The following KIAA2012 variants were observed in gnomAD, a reference collection of about 807,000 sequenced individuals.
KIAA2012 encodes uncharacterized protein KIAA2012.
Under a neutral mutation model 150.6 loss-of-function variants are expected in KIAA2012, and 125 were observed. That is an observed-to-expected ratio of 0.83 (90% CI 0.72 to 0.96). The LOEUF (loss-of-function observed/expected upper bound fraction) is 0.96. KIAA2012 is among the 40% of genes least tolerant of loss of function. KIAA2012 has a pLI of 0.00. For synonymous variants in KIAA2012, 462 were observed against 504.7 expected (o/e 0.92, Z 1.13); for missense variants, 1,219 against 1,354.9 (o/e 0.90, Z 1.57).
chr2:202,176,300 G>A lies in KIAA2012; in HGVS notation c.2120-8453G>A, dbSNP rs542301162. Among the ~76,000 whole-genome samples, 6 of 151,966 alleles carry A rather than the reference G, an allele frequency of 3.9e-5. No homozygotes were observed. In the South Asian group the frequency reaches 8.3e-4, roughly 21 times the overall value. ...CAACCTCTGTCCCCTGGGTTCAAGC[G>A]ATTCTGCTGCCTCAGCCTTCCAAGT... is the stretch of plus-strand genomic sequence containing the variant. On this transcript the variant is annotated intron_variant, in intron 15 of 23. Transcript: ENST00000498697.
In KIAA2012 at chr2:202,189,295, CT is replaced by C. The variant is rs767226517; in HGVS notation, c.2492-865del. Among the ~76,000 whole-genome samples the C allele has an allele frequency of 4.1e-3, 585 of 143,122 alleles. 1 individual carries two copies. The highest frequency in any genetic ancestry group is 5.5e-3 in the Non-Finnish European group (355 of 64,834). 93.9% of individuals were successfully genotyped at this position (143,122 alleles called of 152,430 possible). On this transcript the variant is annotated intron_variant, in intron 18 of 23. Coordinates refer to ENST00000498697, the MANE Select transcript of KIAA2012 (RefSeq NM_001277372.4). Reference sequence around the variant, plus strand: ...ACCATAAGTCAGAGTGAAATAGAACCTTTTTTTTTTTTTTGAGATGGAGTCT... The same window carrying C: ...ACCATAAGTCAGAGTGAAATAGAACCTTTTTTTTTTTTTGAGATGGAGTCT...
intron 15 of KIAA2012, among the ~76,000 whole-genome samples, chr2:202,167,381 G>C (rs1438742228): frequency 6.6e-6 from 1 of 152,206 alleles, no homozygotes; most frequent in Non-Finnish European, 1.5e-5. Context: ...CTGGGCTGAG[G>C]CCTGACGATT....
intron 5 of KIAA2012, among the ~76,000 whole-genome samples, 168 bp from the exon 6 acceptor site, chr2:202,099,445 A>G (rs1316839065): frequency 5.9e-5 from 9 of 152,204 alleles, no homozygotes; most frequent in African/African-American, 1.2e-4. Flanking sequence ...GTTTTATTGT[A>G]ATAAACAGCA....
At chr2:202,137,265 T>C (rs1691084290) in intron 12 of KIAA2012, 1 of 152,278 alleles carries the variant, frequency 6.6e-6, no homozygotes, top group African/African-American at 2.4e-5. Context: ...AGCCATGTGC[T>C]TAGCTAAATC....
chr2:202,168,216 C>A (rs761564445), intron 15 of KIAA2012, among the ~76,000 whole-genome samples: 37 of 151,954 alleles, frequency 2.4e-4, no homozygotes, highest in Non-Finnish European at 1.0e-4. Flanking sequence ...GTCAAGAGAT[C>A]GAGACCGTCC....
intron 18 of KIAA2012, among the ~76,000 whole-genome samples, chr2:202,189,189 A>G (rs1038611847): frequency 2.0e-5 from 3 of 152,120 alleles, no homozygotes; most frequent in African/African-American, 7.2e-5. Flanking sequence ...CAGGTTACAA[A>G]GCTGCAACCT....
chr2:202,200,641 T>C (rs570869283), intron 22 of KIAA2012, among the ~76,000 whole-genome samples: 2 of 151,508 alleles, frequency 1.3e-5, no homozygotes, highest in African/African-American at 4.8e-5. Flanking sequence ...ATGCGTTCCA[T>C]TTATAACAAG....
At chr2:202,193,607 C>T in intron 20 of KIAA2012, 104 bp downstream of exon 20, 1 of 1,165,744 alleles carries the variant, frequency 8.6e-7, no homozygotes, top group South Asian at 1.5e-5. Flanking sequence ...AGGCTCATGC[C>T]CTGAAGTTAA....
intron 12 of KIAA2012, among the ~76,000 whole-genome samples, chr2:202,125,626 C>A (rs576491013): frequency 6.6e-6 from 1 of 152,090 alleles, no homozygotes; most frequent in Admixed American, 6.5e-5. Flanking sequence ...TAGACATTGT[C>A]CCCTGGAGTC....
intron 7 of KIAA2012, among the ~76,000 whole-genome samples, chr2:202,101,156 T>C (rs1182574625): frequency 6.6e-6 from 1 of 152,186 alleles, no homozygotes; most frequent in Admixed American, 6.5e-5. Context: ...GTAGAAGAGA[T>C]GAAGCACTTT....
intron 11 of KIAA2012, among the ~76,000 whole-genome samples, chr2:202,123,108 A>C (rs563842141): frequency 6.6e-6 from 1 of 152,332 alleles, no homozygotes; most frequent in South Asian, 2.1e-4. Flanking sequence ...CCTAGCAGGC[A>C]GCTGTGGTAA....
chr2:202,125,997 C>G (rs1690776300), intron 12 of KIAA2012: 1 of 320,216 alleles, frequency 3.1e-6, no homozygotes, highest in Non-Finnish European at 5.5e-6. Flanking sequence ...TCTTGTCGCC[C>G]AGGCTGGAGT....
At chr2:202,171,036 CA>C (rs1316863694) in intron 15 of KIAA2012, among the ~76,000 whole-genome samples, 1 of 151,980 alleles carries the variant, frequency 6.6e-6, no homozygotes, top group Admixed American at 6.6e-5. Context: ...TGGATGTTAA[CA>C]GCTATCAAAA....
intron 17 of KIAA2012, 113 bp downstream of exon 17, chr2:202,187,211 T>C: frequency 1.7e-6 from 2 of 1,199,950 alleles, no homozygotes; most frequent in Non-Finnish European, 2.3e-6. Flanking sequence ...ATAAAGGGGA[T>C]GAGGGGGGCA....
chr2:202,147,367 G>A (rs761841648), intron 13 of KIAA2012, among the ~76,000 whole-genome samples: 7 of 152,196 alleles, frequency 4.6e-5, no homozygotes, highest in Non-Finnish European at 1.0e-4. Context: ...AGGGGCAGAG[G>A]GGAGGCAGGG....
chr2:202,097,329 T>C, intron 4 of KIAA2012, 106 bp from the exon 5 acceptor site: 2 of 1,493,048 alleles, frequency 1.3e-6, no homozygotes, highest in Non-Finnish European at 9.0e-7. Context: ...AGGGAGGGCC[T>C]TGAGCACTTT....
At chr2:202,184,263 A>G (rs1692180543) in intron 15 of KIAA2012, among the ~76,000 whole-genome samples, 2 of 151,970 alleles carry the variant, frequency 1.3e-5, no homozygotes, top group Admixed American at 6.6e-5. Context: ...ACACACCTGC[A>G]GTTCCAGCTA....
intron 14 of KIAA2012, among the ~76,000 whole-genome samples, chr2:202,163,067 G>C (rs1691690473): frequency 6.7e-6 from 1 of 150,268 alleles, no homozygotes; most frequent in African/African-American, 2.4e-5. Flanking sequence ...TGCAGTGAAT[G>C]AATGACTTTA....
At position 202,154,681 on chromosome 2, in the gene KIAA2012, G is replaced by A; in HGVS notation, c.1917G>A (p.Gln639=). The A allele has an allele frequency of 6.5e-7, 1 of 1,544,702 alleles. No homozygotes were observed. The highest frequency in any genetic ancestry group is 8.7e-7 in the Non-Finnish European group (1 of 1,145,556). ...TCTGCTTCTCTTCACAGGGAGCCCA[G>A]CAGTCCTTGGAGGCAGCAGCTCAGA... is the stretch of plus-strand genomic sequence containing the variant. ...LTQTTEKQGA[Q]QSLEAAAQKT... The change falls in exon 14 of 24, where the codon CAG becomes CAA. Residue 639 remains glutamine, a synonymous_variant. Transcript: ENST00000498697.
Sources: allele counts gnomAD v4.1 joint callset (sites outside exome capture counted in the v4.1 genomes callset), GRCh38; gene constraint gnomAD v4.1.1; transcripts MANE v1.5; gene names NCBI Gene and HGNC (gene_info 2026-07-23, HGNC 2026-07-21).